ITGA9: variants seen among roughly 807,000 people sequenced by gnomAD.
ITGA9 encodes the protein integrin subunit alpha 9.
Under a neutral mutation model 127.8 loss-of-function variants are expected in ITGA9, and 56 were observed. The ratio of observed to expected loss-of-function variants is 0.44; its 90% confidence interval spans 0.35 to 0.55. The LOEUF is 0.55. Among genes scored for constraint, ITGA9 ranks in the 20% least tolerant of loss-of-function variants. The probability of loss-of-function intolerance (pLI) is 0.00; values close to 1 mark genes in which losing one functional copy is unlikely to be tolerated. For synonymous variants in ITGA9, 508 were observed against 514.5 expected (o/e 0.99, Z 0.17); for missense variants, 1,196 against 1,347.1 (o/e 0.89, Z 1.76).
rs1160039731 is a variant in ITGA9, at chr3:37,702,178, G to A, written c.2067+18163G>A. ...CTGAGTGATAGTCACGGTAATTACA[G>A]TCACCTACTATAGCCTCACAATGAG... On this transcript the variant is annotated intron_variant, in intron 18 of 27. Transcript: ENST00000264741. Among the ~76,000 whole-genome samples, 17 of 152,154 alleles carry A rather than the reference G, an allele frequency of 1.1e-4. 1 individual carries two copies. The highest frequency in any genetic ancestry group is 1.1e-3 in the Admixed American group (17 of 15,268).
chr3:37,764,491 A>AAAT (rs1696757324), intron 23 of ITGA9, among the ~76,000 whole-genome samples: 1 of 149,934 alleles, frequency 6.7e-6, no homozygotes, highest in Non-Finnish European at 1.5e-5. Flanking sequence ...AAAAAAAAAA[A>AAAT]TCAAGGAAAT....
intron 14 of ITGA9, among the ~76,000 whole-genome samples, chr3:37,537,927 C>T (rs1699226216): frequency 2.6e-5 from 4 of 152,230 alleles, no homozygotes; most frequent in African/African-American, 9.6e-5. Context: ...CCTGTGGCCC[C>T]TTGGAGCCTC....
At chr3:37,727,275 G>A (rs1696223289) in intron 18 of ITGA9, among the ~76,000 whole-genome samples, 1 of 152,190 alleles carries the variant, frequency 6.6e-6, no homozygotes, top group Non-Finnish European at 1.5e-5. Flanking sequence ...GGGACTATCT[G>A]TATGGTAGTA....
At chr3:37,628,271 C>T (rs1700196304) in intron 15 of ITGA9, among the ~76,000 whole-genome samples, 1 of 152,142 alleles carries the variant, frequency 6.6e-6, no homozygotes, top group African/African-American at 2.4e-5. Context: ...CACACGCACC[C>T]CCGCCGAGCT....
rs539369321 is a variant in ITGA9 at position 37,814,641 on chromosome 3, A to G, written c.3010-4250A>G. Among the ~76,000 whole-genome samples, 13 of 152,338 alleles carry G rather than the reference A, an allele frequency of 8.5e-5. No individual in the cohort carries two copies. The highest frequency in any genetic ancestry group is 3.1e-4 in the African/African-American group (13 of 41,580). On this transcript the variant is annotated intron_variant, in intron 27 of 27. Transcript: ENST00000264741. The surrounding 1 kb of genome is among the most constrained non-coding windows in gnomAD (Gnocchi z 4.3). Reference sequence around the variant, plus strand: ...ATAGGGTACCTTTGTGCAAACTATAATAGTAAATAGCACCGCTTCCTAAAG... The same window carrying G: ...ATAGGGTACCTTTGTGCAAACTATAGTAGTAAATAGCACCGCTTCCTAAAG...
At chr3:37,467,960 C>T (rs1415452798) in intron 1 of ITGA9, among the ~76,000 whole-genome samples, 1 of 152,170 alleles carries the variant, frequency 6.6e-6, no homozygotes, top group Non-Finnish European at 1.5e-5. Context: ...AAAATTGATC[C>T]CTTAATGTGG....
intron 18 of ITGA9, among the ~76,000 whole-genome samples, chr3:37,705,410 A>G (rs1455870772): frequency 2.0e-5 from 3 of 152,354 alleles, no homozygotes; most frequent in South Asian, 2.1e-4. Context: ...TGCATGTTAC[A>G]TATAGAACAA....
At chr3:37,455,739 C>G (rs1483395629) in intron 1 of ITGA9, among the ~76,000 whole-genome samples, 1 of 152,110 alleles carries the variant, frequency 6.6e-6, no homozygotes, top group Non-Finnish European at 1.5e-5. Flanking sequence ...AATTAACTAC[C>G]TGTTTTACAG....
At chr3:37,689,223 T>A (rs1296537586) in intron 18 of ITGA9, among the ~76,000 whole-genome samples, 2 of 152,208 alleles carry the variant, frequency 1.3e-5, no homozygotes, top group Admixed American at 1.3e-4. Flanking sequence ...CTGCAATGGA[T>A]TTTTCTGTCT....
At chr3:37,749,121 C>T (rs1230086795) in intron 22 of ITGA9, 1 of 253,778 alleles carries the variant, frequency 3.9e-6, no homozygotes, top group East Asian at 8.7e-5. Flanking sequence ...ACCAAAGTAT[C>T]AGGGCCTGTG....
At chr3:37,636,373 T>C (rs1700278738) in intron 16 of ITGA9, among the ~76,000 whole-genome samples, 2 of 152,262 alleles carry the variant, frequency 1.3e-5, no homozygotes, top group Non-Finnish European at 1.5e-5. Flanking sequence ...TGCATTTCTC[T>C]GATGGCCACT....
chr3:37,707,005 T>C (rs1308111373), intron 18 of ITGA9, among the ~76,000 whole-genome samples: 8 of 152,228 alleles, frequency 5.3e-5, no homozygotes, highest in African/African-American at 1.7e-4. Context: ...ATCACTGTTC[T>C]TGACACTGGA....
At chr3:37,527,096 C>G (rs60196347) in intron 13 of ITGA9, among the ~76,000 whole-genome samples, 6,421 of 152,312 alleles carry the variant, frequency 0.042, 399 homozygotes, top group South Asian at 0.2. Flanking sequence ...AGTCCCCTGA[C>G]CTTTCTGTTT....
intron 27 of ITGA9, among the ~76,000 whole-genome samples, chr3:37,809,324 G>A (rs180889851): frequency 6.6e-6 from 1 of 152,222 alleles, no homozygotes; most frequent in African/African-American, 2.4e-5. Context: ...GGCCTCAAGC[G>A]ATCTGCCTGC....
intron 16 of ITGA9, among the ~76,000 whole-genome samples, chr3:37,636,398 C>T (rs1487412833): frequency 6.6e-6 from 1 of 152,176 alleles, no homozygotes; most frequent in Non-Finnish European, 1.5e-5. Context: ...ATGAGCATTT[C>T]TTCATGTGTT....
intron 15 of ITGA9, among the ~76,000 whole-genome samples, chr3:37,582,729 G>A (rs961153139): frequency 6.6e-6 from 1 of 152,166 alleles, no homozygotes; most frequent in Non-Finnish European, 1.5e-5. Flanking sequence ...ATAACAGTGT[G>A]ACTTCTCCAA....
At chr3:37,541,724 C>T (rs1279609358) in intron 14 of ITGA9, among the ~76,000 whole-genome samples, 3 of 152,158 alleles carry the variant, frequency 2.0e-5, no homozygotes, top group African/African-American at 4.8e-5. Flanking sequence ...TGTTTGATCA[C>T]CACACTCGGC....
At chr3:37,588,351 A>G (rs559192702) in intron 15 of ITGA9, among the ~76,000 whole-genome samples, 1 of 105,208 alleles carries the variant, frequency 9.5e-6, no homozygotes, top group African/African-American at 3.5e-5. Context: ...ATCTGACTCC[A>G]TCCCGCATGG....
chr3:37,560,310 C>G (rs1457269116), intron 15 of ITGA9, among the ~76,000 whole-genome samples: 1 of 152,204 alleles, frequency 6.6e-6, no homozygotes, highest in East Asian at 1.9e-4. Flanking sequence ...CATAGTATTC[C>G]ATGGTGTATA....
Sources: allele counts gnomAD v4.1 joint callset (sites outside exome capture counted in the v4.1 genomes callset), GRCh38; gene constraint gnomAD v4.1.1; non-coding constraint Gnocchi (gnomAD v3.1); transcripts MANE v1.5; gene names NCBI Gene and HGNC (gene_info 2026-07-23, HGNC 2026-07-21).